CFAP299: variants seen among roughly 807,000 people sequenced by gnomAD.
CFAP299 encodes the protein cilia- and flagella-associated protein 299.
CFAP299 carries 21 observed loss-of-function variants against 27.0 expected under a neutral mutation model. The ratio of observed to expected loss-of-function variants is 0.78; its 90% confidence interval spans 0.55 to 1.12. The LOEUF is 1.12. Among genes scored for constraint, CFAP299 ranks in the 50% most tolerant of loss-of-function variants. The pLI, the probability that CFAP299 is intolerant of heterozygous loss-of-function variation, is 0.00. For missense variants in CFAP299, 310 were observed against 276.6 expected (o/e 1.12, Z -0.86); for synonymous variants, 104 against 98.1 (o/e 1.06, Z -0.36).
At chr4:80,877,777 AT>A (rs1560459389) in intron 4 of CFAP299, among the ~76,000 whole-genome samples, 2 of 151,994 alleles carry the variant, frequency 1.3e-5, no homozygotes, top group African/African-American at 2.4e-5. Flanking sequence ...TTTATTATTA[AT>A]TTTTTTTAAG....
At chr4:80,380,529 AT>A (rs1724650796) in intron 2 of CFAP299, among the ~76,000 whole-genome samples, 1 of 150,844 alleles carries the variant, frequency 6.6e-6, no homozygotes, top group Non-Finnish European at 1.5e-5. Context: ...CTGGGTTCAA[AT>A]GATTCTCCTG....
intron 1 of CFAP299, among the ~76,000 whole-genome samples, chr4:80,338,390 A>G (rs770766522): frequency 3.3e-5 from 5 of 152,174 alleles, no homozygotes; most frequent in Non-Finnish European, 7.4e-5. Context: ...GATCTCTTGA[A>G]TTTATTTGAA....
chr4:80,586,996 A>G (rs1736481400), intron 3 of CFAP299, among the ~76,000 whole-genome samples: 1 of 152,192 alleles, frequency 6.6e-6, no homozygotes, highest in Non-Finnish European at 1.5e-5. Context: ...CCTATGAATT[A>G]GGTGGTTCCT....
At chr4:80,409,971 A>G (rs1449941084) in intron 2 of CFAP299, among the ~76,000 whole-genome samples, 2 of 152,180 alleles carry the variant, frequency 1.3e-5, no homozygotes, top group Non-Finnish European at 2.9e-5. Flanking sequence ...GACTCTGGAG[A>G]AGGTCCAGCG....
intron 3 of CFAP299, among the ~76,000 whole-genome samples, chr4:80,638,136 CAG>C (rs1739544582): frequency 6.6e-6 from 1 of 152,200 alleles, no homozygotes; most frequent in South Asian, 2.1e-4. Flanking sequence ...GCCTCATTGC[CAG>C]AGTCACACAG....
At chr4:80,646,070 T>C (rs1739995804) in intron 3 of CFAP299, among the ~76,000 whole-genome samples, 1 of 152,156 alleles carries the variant, frequency 6.6e-6, no homozygotes, top group Non-Finnish European at 1.5e-5. Flanking sequence ...AAAAAGGCAG[T>C]ATCCTTCCCT....
intron 3 of CFAP299, among the ~76,000 whole-genome samples, chr4:80,594,242 A>T (rs1440256354): frequency 6.6e-6 from 1 of 152,222 alleles, no homozygotes; most frequent in Non-Finnish European, 1.5e-5. Context: ...AAGTGGCAGC[A>T]GTCACCTTCT....
intron 3 of CFAP299, among the ~76,000 whole-genome samples, chr4:80,844,160 A>G (rs1731029877): frequency 6.6e-6 from 1 of 152,100 alleles, no homozygotes. Context: ...TCATTCTTGG[A>G]CATTTGGGTT....
At chr4:80,433,901 T>A (rs555764355) in intron 2 of CFAP299, among the ~76,000 whole-genome samples, 60 of 152,280 alleles carry the variant, frequency 3.9e-4, no homozygotes, top group African/African-American at 1.4e-3. Flanking sequence ...CCTCTTCTGT[T>A]TGAGATCATG....
chr4:80,842,387 C>A (rs1422601386), intron 3 of CFAP299, among the ~76,000 whole-genome samples: 6 of 152,116 alleles, frequency 3.9e-5, no homozygotes, highest in Non-Finnish European at 7.4e-5. Context: ...ATAGTGAAGA[C>A]AACAGACTTA....
intron 5 of CFAP299, among the ~76,000 whole-genome samples, chr4:80,959,635 C>T (rs866940858): frequency 1.3e-5 from 2 of 151,954 alleles, no homozygotes; most frequent in South Asian, 4.2e-4. Flanking sequence ...AAAATTCTTC[C>T]CAAGGAATTC....
chr4:80,905,846 A>G (rs1292916756), intron 4 of CFAP299, among the ~76,000 whole-genome samples: 1 of 152,196 alleles, frequency 6.6e-6, no homozygotes, highest in Non-Finnish European at 1.5e-5. Flanking sequence ...CGTGGGGATT[A>G]TGGGAACTAC....
intron 3 of CFAP299, among the ~76,000 whole-genome samples, chr4:80,653,880 G>A (rs956464454): frequency 1.3e-5 from 2 of 152,100 alleles, no homozygotes; most frequent in African/African-American, 4.8e-5. Context: ...CATTTCATAT[G>A]AGTGTTTTAT....
rs897311172 is a variant in CFAP299 at position 80,363,753 on chromosome 4, A to C, written c.242+869A>C. 6.6e-5 allele frequency among the ~76,000 whole-genome samples: 10 copies of C among 152,248 alleles called. No homozygotes were observed. In the East Asian group the frequency reaches 1.9e-3, roughly 29 times the overall value. Reference sequence around the variant, plus strand: ...ATATTTGGGAATATATTAGTTTTCTATTGCTGCCATAACACGTTATTACAA... The same window carrying C: ...ATATTTGGGAATATATTAGTTTTCTCTTGCTGCCATAACACGTTATTACAA... On this transcript the variant is annotated intron_variant, in intron 2 of 5. Transcript: ENST00000358105.
intron 3 of CFAP299, among the ~76,000 whole-genome samples, chr4:80,710,721 G>T (rs1470030055): frequency 1.3e-5 from 2 of 151,842 alleles, no homozygotes; most frequent in Non-Finnish European, 2.9e-5. Flanking sequence ...AGCCCTGACA[G>T]CATTTGAGCT....
At chr4:80,368,000 A>G (rs1723929656) in intron 2 of CFAP299, among the ~76,000 whole-genome samples, 1 of 152,164 alleles carries the variant, frequency 6.6e-6, no homozygotes, top group Non-Finnish European at 1.5e-5. Context: ...TGCCTGGATG[A>G]GCTTGTAAGA....
chr4:80,666,823 A>G (rs957846752), intron 3 of CFAP299, among the ~76,000 whole-genome samples: 2 of 152,210 alleles, frequency 1.3e-5, no homozygotes, highest in Non-Finnish European at 2.9e-5. Context: ...CCAAAACTTA[A>G]TGGTGGAGCT....
In CFAP299 at chr4:80,943,993, G is replaced by C. The variant is rs533469256; in HGVS notation, c.477-817G>C. Among the ~76,000 whole-genome samples the C allele has an allele frequency of 4.1e-3, 616 of 152,070 alleles. 1 individual carries two copies. The highest frequency in any genetic ancestry group is 0.014 in the Middle Eastern group (4 of 294). The stretch of plus-strand genomic sequence containing the variant: ...AGGCAGGAGAATTGCTTGAACCCAG[G>C]AGGCGGAGGTTGCAGTGAGCTGAGA... On this transcript the variant is annotated intron_variant, in intron 4 of 5. Coordinates refer to ENST00000358105, the MANE Select transcript of CFAP299 (RefSeq NM_152770.3).
chr4:80,406,809 A>G (rs1726450722), intron 2 of CFAP299, among the ~76,000 whole-genome samples: 1 of 152,202 alleles, frequency 6.6e-6, no homozygotes, highest in South Asian at 2.1e-4. Flanking sequence ...ATTGATAGGC[A>G]TCTCATTTGG....
Sources: allele counts gnomAD v4.1 joint callset (sites outside exome capture counted in the v4.1 genomes callset), GRCh38; gene constraint gnomAD v4.1.1; transcripts MANE v1.5; gene names NCBI Gene and HGNC (gene_info 2026-07-23, HGNC 2026-07-21).